Variants in NFIA observed in about 807,000 individuals in gnomAD.
The protein encoded by NFIA is nuclear factor 1 A-type.
A neutral mutation model predicts 62.8 loss-of-function variants in NFIA; 8 were observed. That is an observed-to-expected ratio of 0.13 (90% confidence interval 0.07 to 0.23). The LOEUF (loss-of-function observed/expected upper bound fraction) is 0.23, where lower values mean the gene tolerates loss of function less well. NFIA is among the 10% of genes least tolerant of loss of function. The pLI is 1.00. For missense variants in NFIA, 410 were observed against 642.1 expected (o/e 0.64, Z 3.91); for synonymous variants, 235 against 238.1 (o/e 0.99, Z 0.12).
chr1:61,130,159 C>T (rs1393887568), intron 2 of NFIA, among the ~76,000 whole-genome samples: 2 of 152,132 alleles, frequency 1.3e-5, no homozygotes, highest in Non-Finnish European at 2.9e-5. Flanking sequence ...GCAATCACTT[C>T]TACTTTGTAT....
intron 7 of NFIA, among the ~76,000 whole-genome samples, chr1:61,384,457 A>G (rs1197229440): frequency 1.3e-5 from 2 of 152,118 alleles, no homozygotes; most frequent in African/African-American, 2.4e-5. Flanking sequence ...ACATCTTGTG[A>G]TCATTGGTAG....
chr1:61,278,571 C>T (rs578041954), intron 3 of NFIA, among the ~76,000 whole-genome samples: 4 of 152,140 alleles, frequency 2.6e-5, no homozygotes, highest in African/African-American at 9.6e-5. Context: ...TGGCAGATCA[C>T]GAGGTCAGGA....
At position 61,222,432 on chromosome 1, in the gene NFIA, A is replaced by G. The variant is rs77011467; in HGVS notation, c.560-55088A>G. On this transcript the variant is annotated intron_variant, in intron 2 of 10. Transcript: ENST00000403491. ...ACCTGTTTGTTTTCATTCTTGAATC[A>G]TCTGTTACATGCAGATGTATTCAGC... Among the ~76,000 whole-genome samples, 567 of 152,196 alleles carry G rather than the reference A, an allele frequency of 3.7e-3. 1 individual carries two copies. Among genetic ancestry groups the G allele is most frequent in the African/African-American group, 0.013 (537 of 41,566 alleles).
chr1:61,265,024 G>A (rs1220832866), intron 2 of NFIA, among the ~76,000 whole-genome samples: 1 of 152,132 alleles, frequency 6.6e-6, no homozygotes, highest in Non-Finnish European at 1.5e-5. Flanking sequence ...ACGTGTTTTA[G>A]TTATCTAGGT....
chr1:61,371,020 C>G (rs577322930), intron 6 of NFIA, among the ~76,000 whole-genome samples: 1 of 152,060 alleles, frequency 6.6e-6, no homozygotes, highest in Non-Finnish European at 1.5e-5. Context: ...GATTAGCTTC[C>G]AAGATTAGTG....
chr1:61,456,529 G>A lies in NFIA; in HGVS notation c.*1209G>A, dbSNP rs996603845. The A allele has an allele frequency of 7.9e-5, 12 of 151,968 alleles. No individual in the cohort carries two copies. The South Asian group carries it at 2.5e-3, about 32-fold the overall frequency. 9.4% of individuals were successfully genotyped at this position (151,968 alleles called of 1,614,324 possible). A position where few individuals can be genotyped will look rare whatever the true frequency, so the allele number is the denominator to read the frequency against. ...TTATAAGCTAGAAGTCACTATAATG[G>A]ATTACGCCAATTCTAAAAAATTTTA... On this transcript the variant is annotated 3_prime_UTR_variant, in exon 11 of 11. Transcript: ENST00000403491.
At chr1:61,394,158 G>A (rs1432899700) in intron 7 of NFIA, among the ~76,000 whole-genome samples, 1 of 152,040 alleles carries the variant, frequency 6.6e-6, no homozygotes, top group Non-Finnish European at 1.5e-5. Flanking sequence ...CTTTCAAATT[G>A]CGCTATTCTT....
At position 61,458,219 on chromosome 1, in the gene NFIA, A is replaced by G. The variant is rs1017174439; in HGVS notation, c.*2899A>G. 1.3e-5 allele frequency: 2 copies of G among 152,120 alleles called. No homozygotes were observed. Among genetic ancestry groups the G allele is most frequent in the African/African-American group, 4.8e-5 (2 of 41,440 alleles). 9.4% of individuals were successfully genotyped at this position (152,120 alleles called of 1,614,324 possible). A position where few individuals can be genotyped will look rare whatever the true frequency, so the allele number is the denominator to read the frequency against. On this transcript the variant is annotated 3_prime_UTR_variant, in exon 11 of 11. Transcript: ENST00000403491. Reference sequence around the variant, plus strand: ...GAAAAAAAGGAAAAAAAGAAAAAAAAAAAGAAAAAATAGCAGCTTTCAGTG... The same window carrying G: ...GAAAAAAAGGAAAAAAAGAAAAAAAGAAAGAAAAAATAGCAGCTTTCAGTG...
At chr1:61,200,599 G>A (rs575121569) in intron 2 of NFIA, among the ~76,000 whole-genome samples, 1 of 152,182 alleles carries the variant, frequency 6.6e-6, no homozygotes, top group East Asian at 1.9e-4. Flanking sequence ...ATAAAAAACA[G>A]TATCATAAAC....
intron 3 of NFIA, among the ~76,000 whole-genome samples, chr1:61,319,801 AC>A (rs1489877966): frequency 1.9e-5 from 1 of 52,452 alleles, no homozygotes; most frequent in Non-Finnish European, 4.6e-5. Context: ...ACACACACAC[AC>A]ACACACACAC....
At chr1:61,257,689 G>T (rs1656499756) in intron 2 of NFIA, among the ~76,000 whole-genome samples, 1 of 151,214 alleles carries the variant, frequency 6.6e-6, no homozygotes, top group African/African-American at 2.4e-5. Flanking sequence ...TTTGAATATT[G>T]TTTCCTTCAT....
intron 2 of NFIA, among the ~76,000 whole-genome samples, chr1:61,244,928 C>T (rs1306342072): frequency 1.3e-5 from 2 of 152,142 alleles, no homozygotes; most frequent in African/African-American, 4.8e-5. Context: ...ATATGAATTG[C>T]TGGTCTGTTC....
chr1:61,270,314 T>C (rs988645917), intron 2 of NFIA, among the ~76,000 whole-genome samples: 1 of 152,204 alleles, frequency 6.6e-6, no homozygotes, highest in Non-Finnish European at 1.5e-5. Context: ...GAAACTGAGA[T>C]CCAGCACAGT....
intron 2 of NFIA, among the ~76,000 whole-genome samples, chr1:61,136,085 C>A (rs1647183283): frequency 6.6e-6 from 1 of 152,212 alleles, no homozygotes; most frequent in Admixed American, 6.5e-5. Context: ...TTTGTCCATG[C>A]ATTCTTTTCG....
At chr1:61,372,173 T>G (rs1179531899) in intron 6 of NFIA, among the ~76,000 whole-genome samples, 2 of 152,066 alleles carry the variant, frequency 1.3e-5, no homozygotes, top group African/African-American at 4.8e-5. Context: ...AAAGGGTGAA[T>G]CATTAACTCC....
At chr1:61,286,945 A>G (rs1344266921) in intron 3 of NFIA, among the ~76,000 whole-genome samples, 1 of 152,224 alleles carries the variant, frequency 6.6e-6, no homozygotes, top group Admixed American at 6.5e-5. Flanking sequence ...ACATGCTGGA[A>G]GAACACTAAG....
At chr1:61,198,983 C>A (rs1001201981) in intron 2 of NFIA, among the ~76,000 whole-genome samples, 25 of 152,302 alleles carry the variant, frequency 1.6e-4, no homozygotes, top group African/African-American at 5.5e-4. Flanking sequence ...GGAAAACGGC[C>A]TTTGCCCACT....
intron 2 of NFIA, among the ~76,000 whole-genome samples, chr1:61,107,310 A>G (rs949730744): frequency 2.6e-5 from 4 of 151,840 alleles, no homozygotes; most frequent in African/African-American, 7.2e-5. Flanking sequence ...TATACAAAAA[A>G]TTCTGTTGAT....
intron 10 of NFIA, 98 bp from the exon 11 acceptor site, chr1:61,455,205 C>G (rs1459182918): frequency 2.0e-5 from 25 of 1,276,452 alleles, no homozygotes; most frequent in Non-Finnish European, 2.8e-5. Flanking sequence ...TCCCGCATCC[C>G]TAACGTAGAT....
Sources: allele counts gnomAD v4.1 joint callset (sites outside exome capture counted in the v4.1 genomes callset), GRCh38; gene constraint gnomAD v4.1.1; transcripts MANE v1.5; gene names NCBI Gene and HGNC (gene_info 2026-07-23, HGNC 2026-07-21).